OXR1: variants seen among roughly 807,000 people sequenced by gnomAD.
OXR1 encodes oxidation resistance protein 1.
A neutral mutation model predicts 104.6 loss-of-function variants in OXR1; 41 were observed. The ratio of observed to expected loss-of-function variants is 0.39; its 90% CI spans 0.31 to 0.51. OXR1 has a LOEUF of 0.51. OXR1 is among the 20% of genes least tolerant of loss of function. OXR1 has a pLI of 0.77. For synonymous variants in OXR1, 348 were observed against 348.4 expected, an observed-to-expected ratio of 1.00 and a Z score of 0.01; for missense variants, 955 against 1,031.9, an observed-to-expected ratio of 0.93 and a Z score of 1.02.
chr8:106,420,025 G>A (rs578235499), intron 2 of OXR1, among the ~76,000 whole-genome samples: 2 of 152,134 alleles, frequency 1.3e-5, no homozygotes, highest in African/African-American at 4.8e-5. Flanking sequence ...TATGTAAAGA[G>A]GAGGAAAATA....
rs60965846 is a variant in OXR1, at chr8:106,310,213, G to A, written c.-139+39846G>A. On this transcript the variant is annotated intron_variant, in intron 1 of 16. Transcript: ENST00000517566. ...TTTGTTTTTCCTGGAGTTAATAATT[G>A]GTACAGTTCCTGTGACCTTTTTTTT... 7.4e-3 allele frequency among the ~76,000 whole-genome samples: 1,068 copies of A among 144,012 alleles called. 12 individuals are homozygous for A. Among genetic ancestry groups the A allele is most frequent in the African/African-American group, 0.027 (1,002 of 37,770 alleles). The allele number at this position is 144,012 out of a possible 152,430, so 94.5% of individuals were successfully genotyped here.
intron 2 of OXR1, among the ~76,000 whole-genome samples, chr8:106,423,592 A>G (rs1818988794): frequency 6.6e-6 from 1 of 152,218 alleles, no homozygotes; most frequent in African/African-American, 2.4e-5. Context: ...GTGTGCCAGA[A>G]CAGTTGTTTA....
chr8:106,461,899 A>G (rs1022862033), intron 2 of OXR1, among the ~76,000 whole-genome samples: 5 of 152,212 alleles, frequency 3.3e-5, no homozygotes, highest in Admixed American at 3.3e-4. Context: ...TCAAATTAAA[A>G]CACCTAAAGA....
intron 3 of OXR1, among the ~76,000 whole-genome samples, chr8:106,636,275 T>C (rs768870574): frequency 2.0e-5 from 3 of 152,288 alleles, no homozygotes; most frequent in African/African-American, 4.8e-5. Flanking sequence ...TTTAACATCA[T>C]ATAAACCCTT....
At chr8:106,665,960 A>G (rs1419843436) in intron 3 of OXR1, among the ~76,000 whole-genome samples, 1 of 152,196 alleles carries the variant, frequency 6.6e-6, no homozygotes, top group Non-Finnish European at 1.5e-5. Context: ...TAACAAAAAA[A>G]AAACTCATGG....
chr8:106,721,496 T>C (rs2131461363), intron 11 of OXR1, among the ~76,000 whole-genome samples: 2 of 152,244 alleles, frequency 1.3e-5, no homozygotes, highest in Middle Eastern at 6.8e-3. Context: ...CTTAAAATGA[T>C]TCGTATTTGA....
At chr8:106,644,862 C>T (rs539864370) in intron 3 of OXR1, among the ~76,000 whole-genome samples, 2 of 152,204 alleles carry the variant, frequency 1.3e-5, no homozygotes, top group African/African-American at 2.4e-5. Flanking sequence ...TTCCTGAGTT[C>T]CCCACCCTAC....
intron 11 of OXR1, among the ~76,000 whole-genome samples, chr8:106,731,994 C>G (rs571852022): frequency 6.6e-6 from 1 of 152,256 alleles, no homozygotes; most frequent in South Asian, 2.1e-4. Flanking sequence ...TTGAGAAGAA[C>G]TGACAGCTTG....
intron 3 of OXR1, among the ~76,000 whole-genome samples, chr8:106,562,480 C>T (rs1028441564): frequency 1.1e-4 from 17 of 152,098 alleles, no homozygotes; most frequent in African/African-American, 4.1e-4. Context: ...GTGAAAAGAC[C>T]AAACCTATGT....
intron 3 of OXR1, among the ~76,000 whole-genome samples, chr8:106,659,587 T>C (rs1825541790): frequency 6.6e-6 from 1 of 152,214 alleles, no homozygotes; most frequent in Non-Finnish European, 1.5e-5. Context: ...AGTAGCCTAA[T>C]TGAAAACAGT....
chr8:106,380,271 A>T (rs1252098157), intron 2 of OXR1, among the ~76,000 whole-genome samples: 1 of 152,058 alleles, frequency 6.6e-6, no homozygotes, highest in Non-Finnish European at 1.5e-5. Flanking sequence ...TGTTTTCAAG[A>T]TTTATACGTG....
intron 11 of OXR1, 90 bp downstream of exon 11, chr8:106,714,075 C>T (rs376435432): frequency 2.0e-6 from 2 of 997,844 alleles, no homozygotes. Flanking sequence ...GTGATGTTTC[C>T]ACAAAAGAGG....
chr8:106,431,115 T>G (rs1344338739), intron 2 of OXR1, among the ~76,000 whole-genome samples: 1 of 152,156 alleles, frequency 6.6e-6, no homozygotes, highest in African/African-American at 2.4e-5. Context: ...CACCGTCCTG[T>G]AAGATATGCT....
At chr8:106,734,068 G>A (rs1456317344) in intron 11 of OXR1, among the ~76,000 whole-genome samples, 1 of 149,624 alleles carries the variant, frequency 6.7e-6, no homozygotes, top group Non-Finnish European at 1.5e-5. Context: ...TTGGCTCACT[G>A]CAGCCTCAAC....
chr8:106,534,701 A>C (rs1010465721), intron 3 of OXR1, among the ~76,000 whole-genome samples: 1 of 152,230 alleles, frequency 6.6e-6, no homozygotes, highest in Non-Finnish European at 1.5e-5. Flanking sequence ...TTAAATGGGA[A>C]TAAAAGCACT....
At position 106,692,816 on chromosome 8, in the gene OXR1, A is replaced by T. The variant is rs199555068; in HGVS notation, c.614A>T (p.Glu205Val). ...PARVVSSTSEEEEAFTEKFLK... is the reference protein window; with the variant it reads ...PARVVSSTSEVEEAFTEKFLK... ...CGAGTTGTATCTTCAACTTCTGAGG[A>T]GGAGGAAGCATTTACTGAGAAATTT... Residue 205 changes from glutamate to valine, a missense_variant, in exon 7 of 17, where the codon GAG becomes GTG. This residue lies in a region of OXR1 where 849 missense variants were observed against 852.9 expected (regional missense o/e 1.00). Transcript: ENST00000517566. The T allele has an allele frequency of 1.9e-6, 3 of 1,606,236 alleles. No individual in the cohort carries two copies. Among genetic ancestry groups the T allele is most frequent in the East Asian group, 2.2e-5 (1 of 44,678 alleles).
intron 2 of OXR1, among the ~76,000 whole-genome samples, chr8:106,485,047 A>G (rs1822366375): frequency 1.3e-5 from 1 of 79,350 alleles, no homozygotes; most frequent in Non-Finnish European, 3.1e-5. Flanking sequence ...ACTTAAATTC[A>G]TATTGCTAAA....
At chr8:106,692,626 A>G (rs1236367024) in intron 6 of OXR1, 102 bp from the exon 7 acceptor site, 3 of 613,578 alleles carry the variant, frequency 4.9e-6, no homozygotes, top group Non-Finnish European at 7.7e-6. Flanking sequence ...GAAATGAAAC[A>G]ACACTTATTG....
chr8:106,640,194 G>A (rs1270723481), intron 3 of OXR1, among the ~76,000 whole-genome samples: 2 of 151,830 alleles, frequency 1.3e-5, no homozygotes, highest in African/African-American at 4.8e-5. Context: ...TATCAAATTT[G>A]TGGGGAATGA....
Sources: gnomAD v4.1 joint callset for allele counts (sites outside exome capture counted in the v4.1 genomes callset) on GRCh38, gnomAD v4.1.1 for gene constraint, gnomAD v4.1.1 regional missense constraint, MANE v1.5 for transcripts, NCBI Gene and HGNC (gene_info 2026-07-23, HGNC 2026-07-21) for gene names.